PPT2: variants seen among roughly 807,000 people sequenced by gnomAD.
The protein encoded by PPT2 is lysosomal thioesterase PPT2.
In PPT2, 20 loss-of-function variants were observed where a neutral mutation model predicts 37.3. That is an observed-to-expected ratio of 0.54 (90% confidence interval 0.38 to 0.78). PPT2 has a LOEUF of 0.78. Among genes scored for constraint, PPT2 ranks in the 30% least tolerant of loss-of-function variants. The probability of loss-of-function intolerance (pLI) is 0.00; values close to 1 mark genes in which losing one functional copy is unlikely to be tolerated. For missense variants in PPT2, 270 were observed against 389.8 expected, an observed-to-expected ratio of 0.69 and a Z score of 2.59; for synonymous variants, 135 against 159.1, an observed-to-expected ratio of 0.85 and a Z score of 1.14.
Position 32,154,277 on chromosome 6 carries a change from G to T in PPT2, c.-136G>T. On this transcript the variant is annotated 5_prime_UTR_variant, in exon 1 of 9. Transcript: ENST00000324816. This position sits in a 1 kb window ranked among gnomAD's most constrained non-coding sequence, Gnocchi z 7.3. ...AGTCTGCACTCTTCAAGGGGCCTGG[G>T]CTGCTGCTCACGGGTATTAAAGAAC... The T allele has an allele frequency of 7.6e-7, 1 of 1,321,094 alleles. No homozygotes were observed. Among genetic ancestry groups the T allele is most frequent in the African/African-American group, 1.5e-5 (1 of 67,044 alleles). The allele number at this position is 1,321,094 out of a possible 1,614,324, so 81.8% of individuals were successfully genotyped here. A position where few individuals can be genotyped will look rare whatever the true frequency, so the allele number is the denominator to read the frequency against.
Position 32,154,590 on chromosome 6 carries a change from G to T in PPT2, c.-5G>T, listed in dbSNP as rs758416989. 6.2e-7 allele frequency: 1 copy of T among 1,609,026 alleles called. No individual in the cohort carries two copies. Among genetic ancestry groups the T allele is most frequent in the South Asian group, 1.1e-5 (1 of 90,808 alleles). ...GCCCTTATCACCCCTTTCTCAGGCGGGAGCATGCTGGGGCTCTGCGGGCAG... is the reference window on the plus strand; with the variant it reads ...GCCCTTATCACCCCTTTCTCAGGCGTGAGCATGCTGGGGCTCTGCGGGCAG... On this transcript the variant is annotated 5_prime_UTR_variant, in exon 2 of 9. Coordinates refer to ENST00000324816, the MANE Select transcript of PPT2 (RefSeq NM_005155.7). The surrounding 1 kb of genome is among the most constrained non-coding windows in gnomAD (Gnocchi z 7.3).
In PPT2 at chr6:32,155,862, G is replaced by A. The variant is rs2269425; in HGVS notation, c.434-9G>A. 236,461 of 1,612,538 alleles carry A rather than the reference G, an allele frequency of 0.15. 19,179 individuals are homozygous for A. The highest frequency in any genetic ancestry group is 0.26 in the Admixed American group (15,674 of 59,966). ...TTATGGTCACTTAGCATTGCCATTC[G>A]CTTGCCAGACACGGACTACTTGAAG... On this transcript the variant is annotated splice_polypyrimidine_tract_variant and intron_variant, in intron 4 of 8. Transcript: ENST00000324816. The surrounding 1 kb of genome is among the most constrained non-coding windows in gnomAD (Gnocchi z 4.3).
chr6:32,154,669 G>A lies in PPT2; in HGVS notation c.75G>A (p.Leu25=), dbSNP rs759240503. The A allele has an allele frequency of 1.2e-6, 2 of 1,612,976 alleles. No individual in the cohort carries two copies. ...TGTTGCCTTTCCTGCCGCTGCTGCT[G>A]CTTGCAGCCCCCGCGCCCCACCGCG... ...LLLLPFLPLL[L]LAAPAPHRAS... is the part of the protein sequence containing the mutation. Residue 25 remains leucine, a synonymous_variant, in exon 2 of 9, where the codon CTG becomes CTA. Transcript: ENST00000324816. The surrounding 1 kb of genome is among the most constrained non-coding windows in gnomAD (Gnocchi z 7.3).
Position 32,155,601 on chromosome 6 carries a change from TGTGTGTGTGTGTGTGTG to T in PPT2, c.338-83_338-67del. ...GTGTGTCTCTGTGTGTGTGTGTGTG[TGTGTGTGTGTGTGTGTG>T]GTGGGGGTGGGGGGTGCTGCTGGCT... On this transcript the variant is annotated intron_variant, in intron 3 of 8. Transcript: ENST00000324816. The surrounding 1 kb of genome is among the most constrained non-coding windows in gnomAD (Gnocchi z 4.3). 1.2e-6 allele frequency: 1 copy of T among 813,974 alleles called. No individual in the cohort carries two copies. The allele number at this position is 813,974 out of a possible 1,614,324, so 50.4% of individuals were successfully genotyped here.
At position 32,154,722 on chromosome 6, in the gene PPT2, A is replaced by T; in HGVS notation, c.128A>T (p.His43Leu). Reference protein sequence around the residue: ...RASYKPVIVVHGLFDSSYSFR... With the variant: ...RASYKPVIVVLGLFDSSYSFR... ...TCCTACAAGCCGGTCATCGTGGTGC[A>T]TGGGCTCTTCGACAGCTCGTACAGC... is the stretch of plus-strand genomic sequence containing the variant. Residue 43 changes from histidine (H) to leucine (L), a missense_variant, in exon 2 of 9, where the codon CAT (histidine) becomes CTT (leucine). Physicochemically the swap from His to Leu is moderately conservative, Grantham distance 99. Coordinates refer to ENST00000324816, the MANE Select transcript of PPT2 (RefSeq NM_005155.7). The surrounding 1 kb of genome is among the most constrained non-coding windows in gnomAD (Gnocchi z 7.3). 6.2e-7 allele frequency: 1 copy of T among 1,613,162 alleles called. No homozygotes were observed.
chr6:32,163,043 A>G lies in PPT2; in HGVS notation c.*93A>G. ...GTCAGGCTTTGGTGTGCCTGTGACC[A>G]CCTCATTGCTCCCATATTATCCCCC... On this transcript the variant is annotated 3_prime_UTR_variant, in exon 9 of 9. Transcript: ENST00000324816. 1.4e-5 allele frequency: 19 copies of G among 1,378,674 alleles called. No homozygotes were observed. Among genetic ancestry groups the G allele is most frequent in the Non-Finnish European group, 1.9e-5 (19 of 1,006,688 alleles). The allele number at this position is 1,378,674 out of a possible 1,614,324, so 85.4% of individuals were successfully genotyped here. A position where few individuals can be genotyped will look rare whatever the true frequency, so the allele number is the denominator to read the frequency against.
intron 5 of PPT2, chr6:32,157,289 C>T (rs1467010618): frequency 1.4e-5 from 5 of 367,574 alleles, no homozygotes; most frequent in African/African-American, 4.1e-5. Flanking sequence ...GGTGCAGTCT[C>T]GGCTCACTGT....
chr6:32,159,026 A>G (rs1201311308), intron 7 of PPT2, among the ~76,000 whole-genome samples: 1 of 152,000 alleles, frequency 6.6e-6, no homozygotes, highest in East Asian at 1.9e-4. Context: ...CATTTTAACC[A>G]TTTAAAAATG....
upstream of PPT2, chr6:32,153,965 C>T (rs1307358482): frequency 3.0e-6 from 4 of 1,338,752 alleles, no homozygotes; most frequent in East Asian, 1.2e-4. This position sits in a 1 kb window ranked among gnomAD's most constrained non-coding sequence, Gnocchi z 4.4. Flanking sequence ...TCCCCACTGG[C>T]CTAAATGGAT....
chr6:32,156,059 CA>C lies in PPT2; in HGVS notation c.541+83del. ...CTGCTACAACCAATAGCAGTGATGA[CA>C]ATAAAGATAACTTACATTTATTGAG... On this transcript the variant is annotated intron_variant, in intron 5 of 8. Transcript: ENST00000324816. The surrounding 1 kb of genome is among the most constrained non-coding windows in gnomAD (Gnocchi z 4.9). The C allele has an allele frequency of 9.3e-7, 1 of 1,070,526 alleles. No homozygotes were observed. Among genetic ancestry groups the C allele is most frequent in the South Asian group, 1.3e-5 (1 of 76,432 alleles). 66.3% of individuals were successfully genotyped at this position (1,070,526 alleles called of 1,614,324 possible). A position where few individuals can be genotyped will look rare whatever the true frequency, so the allele number is the denominator to read the frequency against.
In PPT2 at chr6:32,155,985, G is replaced by A; in HGVS notation, c.541+7G>A. 2 of 1,604,872 alleles carry A rather than the reference G, an allele frequency of 1.2e-6. No homozygotes were observed. Among genetic ancestry groups the A allele is most frequent in the Non-Finnish European group, 8.5e-7 (1 of 1,171,602 alleles). The stretch of plus-strand genomic sequence containing the variant: ...ATCTGCAACTACTGGCATGGTGAGT[G>A]GGGATGCTGAACTGGGGCTTCCATG... On this transcript the variant is annotated splice_region_variant and intron_variant, in intron 5 of 8. Transcript: ENST00000324816. This position sits in a 1 kb window ranked among gnomAD's most constrained non-coding sequence, Gnocchi z 4.3.
chr6:32,159,838 CACCTCCCAAGTGGCTGGG>C (rs745546946), intron 7 of PPT2, among the ~76,000 whole-genome samples: 103 of 151,722 alleles, frequency 6.8e-4, no homozygotes, highest in Non-Finnish European at 1.4e-3. Context: ...TCTCCTGCCT[CACCTCCCAAGTGGCTGGG>C]ACTACAGGTG....
chr6:32,161,934 TCTTGAA>T (rs1304377372), intron 7 of PPT2, among the ~76,000 whole-genome samples: 2 of 152,136 alleles, frequency 1.3e-5, no homozygotes, highest in African/African-American at 2.4e-5. Flanking sequence ...GCCAGGCTGG[TCTTGAA>T]CTCCCGACCT....
intron 7 of PPT2, among the ~76,000 whole-genome samples, chr6:32,160,341 G>A (rs985471570): frequency 4.2e-5 from 6 of 142,486 alleles, no homozygotes; most frequent in East Asian, 2.0e-4. Context: ...CCACGCACCC[G>A]GCCTTGCCTG....
Position 32,163,125 on chromosome 6 carries a change from C to T in PPT2, c.*175C>T. On this transcript the variant is annotated 3_prime_UTR_variant, in exon 9 of 9. Coordinates refer to ENST00000324816, the MANE Select transcript of PPT2 (RefSeq NM_005155.7). ...CTTGGCCTCCCAGAACCCCCTTCCT[C>T]TGCTCCTCCATGAATGACAATTCCA... 7.3e-6 allele frequency: 5 copies of T among 681,502 alleles called. No homozygotes were observed. The highest frequency in any genetic ancestry group is 1.2e-5 in the Non-Finnish European group (5 of 414,968). 42.2% of individuals were successfully genotyped at this position (681,502 alleles called of 1,614,324 possible). A position where few individuals can be genotyped will look rare whatever the true frequency, so the allele number is the denominator to read the frequency against.
chr6:32,154,527 T>C lies in PPT2; in HGVS notation c.-8-60T>C. The C allele has an allele frequency of 6.5e-7, 1 of 1,542,160 alleles. No homozygotes were observed. The highest frequency in any genetic ancestry group is 8.8e-7 in the Non-Finnish European group (1 of 1,140,232). On this transcript the variant is annotated intron_variant, in intron 1 of 8. Coordinates refer to ENST00000324816, the MANE Select transcript of PPT2 (RefSeq NM_005155.7). This position sits in a 1 kb window ranked among gnomAD's most constrained non-coding sequence, Gnocchi z 7.3. ...GGAGGTGGCTTGATTGCCGGGCGTC[T>C]GTTCCGAGGGAGGAGGGTGTTGCCA... is the stretch of plus-strand genomic sequence containing the variant.
Position 32,155,139 on chromosome 6 carries a change from T to A in PPT2, c.293T>A (p.Met98Lys). 4 of 1,613,118 alleles carry A rather than the reference T, an allele frequency of 2.5e-6. No individual in the cohort carries two copies. Among genetic ancestry groups the A allele is most frequent in the South Asian group, 1.1e-5 (1 of 91,090 alleles). ...QGFREAVVPI[M>K]AKAPQGVHLI... ...TTCCGAGAGGCTGTGGTCCCCATCA[T>A]GGCAAAGGCCCCTCAAGGGGTGCAT... Residue 98 changes from methionine to lysine, a missense_variant, in exon 3 of 9, where the codon ATG becomes AAG. By Grantham distance (95) the Met-to-Lys change is moderately conservative. Transcript: ENST00000324816. This position sits in a 1 kb window ranked among gnomAD's most constrained non-coding sequence, Gnocchi z 4.3.
Position 32,156,150 on chromosome 6 carries a change from A to G in PPT2, c.541+172A>G, listed in dbSNP as rs1360800451. ...GAGACGGAGTCTTGTTCTGTTGCCC[A>G]GGCTGGAGTGCAGTGCACCATCTTG... is the stretch of plus-strand genomic sequence containing the variant. On this transcript the variant is annotated intron_variant, in intron 5 of 8. Transcript: ENST00000324816. This position sits in a 1 kb window ranked among gnomAD's most constrained non-coding sequence, Gnocchi z 4.9. 6.6e-6 allele frequency among the ~76,000 whole-genome samples: 1 copy of G among 151,464 alleles called. No homozygotes were observed. Among genetic ancestry groups the G allele is most frequent in the Non-Finnish European group, 1.5e-5 (1 of 67,926 alleles).
Position 32,162,483 on chromosome 6 carries a change from G to A in PPT2, c.711-85G>A, listed in dbSNP as rs1738534509. 2 of 1,381,234 alleles carry A rather than the reference G, an allele frequency of 1.4e-6. No homozygotes were observed. The allele number at this position is 1,381,234 out of a possible 1,614,324, so 85.6% of individuals were successfully genotyped here. A position where few individuals can be genotyped will look rare whatever the true frequency, so the allele number is the denominator to read the frequency against. On this transcript the variant is annotated intron_variant, in intron 7 of 8. Transcript: ENST00000324816. This position sits in a 1 kb window ranked among gnomAD's most constrained non-coding sequence, Gnocchi z 5.5. Reference sequence around the variant, plus strand: ...GATTTGCCCTCCTTGGCCTCCCAAAGTGCTGCAATTACAGGCGTGTGCCAC... The same window carrying A: ...GATTTGCCCTCCTTGGCCTCCCAAAATGCTGCAATTACAGGCGTGTGCCAC...
Sources: allele counts gnomAD v4.1 joint callset (sites outside exome capture counted in the v4.1 genomes callset), GRCh38; gene constraint gnomAD v4.1.1; non-coding constraint Gnocchi (gnomAD v3.1); transcripts MANE v1.5; gene names NCBI Gene and HGNC (gene_info 2026-07-23, HGNC 2026-07-21).